ERCC8: variants seen among roughly 807,000 people sequenced by gnomAD.
ERCC8 encodes DNA excision repair protein ERCC-8.
Under a neutral mutation model 54.9 loss-of-function variants are expected in ERCC8, and 52 were observed. The observed-to-expected ratio is 0.95, with a 90% CI of 0.76 to 1.19. The LOEUF (loss-of-function observed/expected upper bound fraction) is 1.19, where lower values mean the gene tolerates loss of function less well. ERCC8 is among the 50% of genes most tolerant of loss of function. The pLI is 0.00. For missense variants in ERCC8, 514 were observed against 466.1 expected (o/e 1.10, Z -0.95); for synonymous variants, 146 against 157.2 (o/e 0.93, Z 0.53).
chr5:60,889,480 A>AT (rs1055025258), intron 10 of ERCC8, among the ~76,000 whole-genome samples: 1 of 151,888 alleles, frequency 6.6e-6, no homozygotes, highest in African/African-American at 2.4e-5. Flanking sequence ...TGATTTTTTG[A>AT]TTTTTTGTAA....
Position 60,874,340 on chromosome 5 carries a change from A to G in ERCC8, c.*275T>C, listed in dbSNP as rs1298942351. 3 of 371,672 alleles carry G rather than the reference A, an allele frequency of 8.1e-6. No individual in the cohort carries two copies. The East Asian group carries it at 1.5e-4, about 19-fold the overall frequency. The allele number at this position is 371,672 out of a possible 1,614,324, so 23.0% of individuals were successfully genotyped here. A position where few individuals can be genotyped will look rare whatever the true frequency, so the allele number is the denominator to read the frequency against. On this transcript the variant is annotated 3_prime_UTR_variant, in exon 12 of 12. Transcript: ENST00000676185. ...TTCATAAAATCTGCTGAAGGTCACA[A>G]CTGAGGTACAACGACTTGTGTTACT...
intron 1 of ERCC8, among the ~76,000 whole-genome samples, chr5:60,942,478 T>A (rs1750290392): frequency 6.6e-6 from 1 of 152,026 alleles, no homozygotes. Flanking sequence ...AAAAAGGAAT[T>A]GATACATGCA....
intron 4 of ERCC8, chr5:60,917,418 G>A (rs1321588393): frequency 6.6e-6 from 1 of 152,110 alleles, no homozygotes; most frequent in Non-Finnish European, 1.5e-5. Flanking sequence ...ATGCCAGGCT[G>A]AGTTTAGACA....
chr5:60,938,048 C>CATACATACAT (rs1206815920), intron 1 of ERCC8, among the ~76,000 whole-genome samples: 3 of 23,376 alleles, frequency 1.3e-4, no homozygotes, highest in Non-Finnish European at 2.6e-4. Flanking sequence ...TACATACATA[C>CATACATACAT]ATATATATAT....
intron 11 of ERCC8, among the ~76,000 whole-genome samples, chr5:60,880,985 C>G (rs1177228184): frequency 6.6e-6 from 1 of 152,056 alleles, no homozygotes; most frequent in African/African-American, 2.4e-5. Flanking sequence ...TTTTCCCCAT[C>G]TTTGTGGTTT....
rs200150974 is a variant in ERCC8 at position 60,870,972 on chromosome 5, G to GA, written c.*3642dup. ...GTAACGAATGAATTCCCTACAAAGG[G>GA]AAAAAAAACCAAAGTGGCTTTGGAA... On this transcript the variant is annotated 3_prime_UTR_variant, in exon 12 of 12. Transcript: ENST00000676185. Among the ~76,000 whole-genome samples, 4 of 151,280 alleles carry GA rather than the reference G, an allele frequency of 2.6e-5. No homozygotes were observed. The highest frequency in any genetic ancestry group is 1.9e-4 in the East Asian group (1 of 5,158).
chr5:60,922,170 G>A lies in ERCC8; in HGVS notation c.174-15C>T, dbSNP rs1474185446. On this transcript the variant is annotated splice_polypyrimidine_tract_variant and intron_variant, in intron 2 of 11. Coordinates refer to ENST00000676185, the MANE Select transcript of ERCC8 (RefSeq NM_000082.4). ...CTGATAACATGCTGATAATAAAAAA[G>A]TTCACATTAATTTATCATTTTATTT... is the stretch of plus-strand genomic sequence containing the variant. 6.7e-7 allele frequency: 1 copy of A among 1,502,824 alleles called. No individual in the cohort carries two copies. The highest frequency in any genetic ancestry group is 9.2e-7 in the Non-Finnish European group (1 of 1,081,808). 93.1% of individuals were successfully genotyped at this position (1,502,824 alleles called of 1,614,324 possible). A position where few individuals can be genotyped will look rare whatever the true frequency, so the allele number is the denominator to read the frequency against.
Position 60,873,647 on chromosome 5 carries a change from G to T in ERCC8, c.*968C>A, listed in dbSNP as rs4647160. ...AGCTGAGATCAAAACACTGCACTCCGGCCTGAGCGACAGAGTGAAACTCCA... is the reference window on the plus strand; with the variant it reads ...AGCTGAGATCAAAACACTGCACTCCTGCCTGAGCGACAGAGTGAAACTCCA... On this transcript the variant is annotated 3_prime_UTR_variant, in exon 12 of 12. Coordinates refer to ENST00000676185, the MANE Select transcript of ERCC8 (RefSeq NM_000082.4). 6.6e-6 allele frequency among the ~76,000 whole-genome samples: 1 copy of T among 152,032 alleles called. No individual in the cohort carries two copies. Among genetic ancestry groups the T allele is most frequent in the Non-Finnish European group, 1.5e-5 (1 of 68,002 alleles).
intron 3 of ERCC8, among the ~76,000 whole-genome samples, chr5:60,920,637 A>G (rs1193558747): frequency 1.3e-5 from 2 of 151,902 alleles, no homozygotes; most frequent in Non-Finnish European, 2.9e-5. Flanking sequence ...ATAAAATGTT[A>G]TTATAACTCA....
chr5:60,935,324 T>C (rs1031264137), intron 1 of ERCC8, among the ~76,000 whole-genome samples: 1 of 152,182 alleles, frequency 6.6e-6, no homozygotes, highest in Non-Finnish European at 1.5e-5. Context: ...AGTTTTTGAT[T>C]TGATCCTCAG....
Position 60,944,959 on chromosome 5 carries a change from C to A in ERCC8, c.50G>T (p.Arg17Leu), listed in dbSNP as rs747942972. Residue 17 changes from arginine (R) to leucine (L), a missense_variant, in exon 1 of 12, where the codon CGC (arginine) becomes CTC (leucine). Arg to Leu is a moderately radical substitution (Grantham distance 102). Transcript: ENST00000676185. ...ARQTGLEDPL[R>L]LRRAESTRRV... ...CCGTGTTGACTCTGCTCTCCGAAGG[C>A]GAAGAGGGTCCTCCAAACCCGTTTG... 4 of 1,613,934 alleles carry A rather than the reference C, an allele frequency of 2.5e-6. No individual in the cohort carries two copies. The highest frequency in any genetic ancestry group is 1.1e-5 in the South Asian group (1 of 91,084).
chr5:60,931,805 C>T (rs1749916832), intron 1 of ERCC8, among the ~76,000 whole-genome samples: 1 of 152,022 alleles, frequency 6.6e-6, no homozygotes, highest in Non-Finnish European at 1.5e-5. Flanking sequence ...ATCATTCAAA[C>T]ATGTATAAAG....
chr5:60,922,263 A>T (rs1180383170), intron 2 of ERCC8, 108 bp from the exon 3 acceptor site: 14 of 684,872 alleles, frequency 2.0e-5, no homozygotes, highest in Non-Finnish European at 3.6e-5. Flanking sequence ...CAAATGTATT[A>T]AGGATACATT....
At position 60,890,517 on chromosome 5, in the gene ERCC8, CCA is replaced by C. The variant is rs374391258; in HGVS notation, c.1041+370_1041+371del. Among the ~76,000 whole-genome samples the C allele has an allele frequency of 5.6e-3, 858 of 152,264 alleles. 9 individuals carry two copies. Among genetic ancestry groups the C allele is most frequent in the African/African-American group, 0.02 (829 of 41,554 alleles). On this transcript the variant is annotated intron_variant, in intron 10 of 11. Transcript: ENST00000676185. ...TAGAAAATAAGGAAGAATAGATCAT[CCA>C]CACATACATAAACCAACATATACAA...
chr5:60,935,139 T>C (rs527647101), intron 1 of ERCC8, among the ~76,000 whole-genome samples: 2 of 152,224 alleles, frequency 1.3e-5, no homozygotes, highest in Non-Finnish European at 2.9e-5. Flanking sequence ...ATGGTTATTT[T>C]CGCAATATTG....
At chr5:60,921,956 G>A (rs1268100070) in intron 3 of ERCC8, 98 bp downstream of exon 3, 2 of 760,836 alleles carry the variant, frequency 2.6e-6, no homozygotes, top group Non-Finnish European at 4.6e-6. Context: ...CCATTCGCTT[G>A]ACCCATTCAC....
At chr5:60,906,956 T>C (rs1749093668) in intron 4 of ERCC8, among the ~76,000 whole-genome samples, 1 of 152,046 alleles carries the variant, frequency 6.6e-6, no homozygotes. Context: ...AATATTTGTG[T>C]CCAAAACCTA....
chr5:60,934,110 A>G (rs571915747), intron 1 of ERCC8, among the ~76,000 whole-genome samples: 1 of 152,142 alleles, frequency 6.6e-6, no homozygotes, highest in Non-Finnish European at 1.5e-5. Context: ...CGGGAGTGGG[A>G]ATGCTGGATC....
chr5:60,928,134 G>A (rs911978183), intron 2 of ERCC8, among the ~76,000 whole-genome samples: 1 of 152,194 alleles, frequency 6.6e-6, no homozygotes, highest in African/African-American at 2.4e-5. Context: ...GAAAGGTTTT[G>A]TACGGTCTTT....
Sources: allele counts gnomAD v4.1 joint callset (sites outside exome capture counted in the v4.1 genomes callset), GRCh38; gene constraint gnomAD v4.1.1; transcripts MANE v1.5; gene names NCBI Gene and HGNC (gene_info 2026-07-23, HGNC 2026-07-21).